CTNNA2: variants seen among roughly 807,000 people sequenced by gnomAD.
CTNNA2 encodes catenin alpha 2, also known as catenin alpha-2.
Under a neutral mutation model 101.0 loss-of-function variants are expected in CTNNA2, and 42 were observed. The ratio of observed to expected loss-of-function variants is 0.42; its 90% confidence interval spans 0.32 to 0.54. CTNNA2 has a LOEUF of 0.54. CTNNA2 is among the 20% of genes least tolerant of loss of function. The pLI, the probability that CTNNA2 is intolerant of heterozygous loss-of-function variation, is 0.14. For synonymous variants in CTNNA2, 450 were observed against 456.4 expected (o/e 0.99, Z 0.18); for missense variants, 871 against 1,223.1 (o/e 0.71, Z 4.29).
intron 4 of CTNNA2, among the ~76,000 whole-genome samples, chr2:79,455,243 G>A (rs1038307399): frequency 3.3e-5 from 5 of 152,084 alleles, no homozygotes; most frequent in Non-Finnish European, 7.4e-5. Context: ...GAGAACACAG[G>A]GATGTTGGCA....
chr2:79,621,059 C>T (rs1342668071), intron 1 of CTNNA2, among the ~76,000 whole-genome samples: 1 of 152,150 alleles, frequency 6.6e-6, no homozygotes, highest in Non-Finnish European at 1.5e-5. Context: ...TGGTGACCCT[C>T]ATTGACTGCA....
chr2:79,843,173 CTG>C (rs1679958936), intron 3 of CTNNA2, among the ~76,000 whole-genome samples: 1 of 152,214 alleles, frequency 6.6e-6, no homozygotes, highest in Non-Finnish European at 1.5e-5. Context: ...AAAGCATTAA[CTG>C]GAGTATTTAA....
At chr2:79,641,672 G>C (rs4852503) in intron 1 of CTNNA2, among the ~76,000 whole-genome samples, 83,441 of 152,054 alleles carry the variant, frequency 0.55, 23,301 homozygotes, top group East Asian at 0.71. Context: ...CACATAGGTT[G>C]ATACTCAAGT....
intron 9 of CTNNA2, among the ~76,000 whole-genome samples, chr2:80,448,622 A>C (rs1282597644): frequency 6.6e-6 from 1 of 152,202 alleles, no homozygotes; most frequent in East Asian, 1.9e-4. Flanking sequence ...GCCAGGGCTC[A>C]GAACACCAGC....
chr2:80,223,079 C>T (rs1019027100), intron 7 of CTNNA2, among the ~76,000 whole-genome samples: 1 of 152,042 alleles, frequency 6.6e-6, no homozygotes, highest in East Asian at 1.9e-4. Context: ...GTTTCAGATA[C>T]CCATCATGAC....
At chr2:80,393,140 A>AT (rs762280558) in intron 7 of CTNNA2, 71 bp from the exon 8 acceptor site, 47 of 1,187,966 alleles carry the variant, frequency 4.0e-5, no homozygotes, top group Admixed American at 2.3e-4. Context: ...TGTTTTCCTG[A>AT]TTTTTTTAAA....
At chr2:79,455,503 C>T (rs78444055) in intron 4 of CTNNA2, among the ~76,000 whole-genome samples, 702 of 152,238 alleles carry the variant, frequency 4.6e-3, no homozygotes, top group Non-Finnish European at 6.9e-3. Context: ...AAACACAATC[C>T]TTATTTCTAT....
At chr2:79,361,316 C>A (rs1677623214) in intron 3 of CTNNA2, among the ~76,000 whole-genome samples, 1 of 151,978 alleles carries the variant, frequency 6.6e-6, no homozygotes, top group South Asian at 2.1e-4. Flanking sequence ...AAAGGTAAAT[C>A]TAATTGGGTG....
At chr2:79,831,434 G>C (rs1199209811) in intron 3 of CTNNA2, among the ~76,000 whole-genome samples, 1 of 151,968 alleles carries the variant, frequency 6.6e-6, no homozygotes, top group East Asian at 1.9e-4. Context: ...AACTATAACA[G>C]CCCAGAATTC....
At chr2:80,525,053 T>G (rs1437851415) in intron 9 of CTNNA2, among the ~76,000 whole-genome samples, 4 of 152,092 alleles carry the variant, frequency 2.6e-5, no homozygotes, top group African/African-American at 9.7e-5. Context: ...GTATACACTT[T>G]TTTTTTTGTA....
intron 18 of CTNNA2, among the ~76,000 whole-genome samples, chr2:80,637,597 C>G (rs1673017541): frequency 6.6e-6 from 1 of 152,136 alleles, no homozygotes; most frequent in African/African-American, 2.4e-5. Context: ...TCTGCTCTCT[C>G]CTCATCCTGG....
chr2:80,173,306 G>C (rs952205722), intron 7 of CTNNA2, among the ~76,000 whole-genome samples: 1 of 152,232 alleles, frequency 6.6e-6, no homozygotes, highest in South Asian at 2.1e-4. Flanking sequence ...GGGACAAAGT[G>C]CTTTCATGTC....
At chr2:79,433,600 A>T (rs1007276635) in intron 4 of CTNNA2, among the ~76,000 whole-genome samples, 1 of 148,352 alleles carries the variant, frequency 6.7e-6, no homozygotes, top group African/African-American at 2.5e-5. Flanking sequence ...TTTGCCAAAG[A>T]TGAGCTCACT....
intron 2 of CTNNA2, among the ~76,000 whole-genome samples, chr2:79,698,444 G>A (rs1261194227): frequency 6.6e-6 from 1 of 151,784 alleles, no homozygotes; most frequent in Non-Finnish European, 1.5e-5. Context: ...TTTCAAATTT[G>A]AAATAGTGAC....
At chr2:79,408,101 C>A (rs1243774713) in intron 4 of CTNNA2, among the ~76,000 whole-genome samples, 1 of 151,946 alleles carries the variant, frequency 6.6e-6, no homozygotes, top group Non-Finnish European at 1.5e-5. Context: ...ATGATTCCTA[C>A]TCTCTAACCT....
chr2:79,704,922 A>G (rs1685255014), intron 2 of CTNNA2, among the ~76,000 whole-genome samples: 1 of 152,166 alleles, frequency 6.6e-6, no homozygotes, highest in African/African-American at 2.4e-5. Context: ...AGGAAAAAGT[A>G]TTCTGATGCT....
chr2:79,982,506 C>T (rs1011163058), intron 7 of CTNNA2, among the ~76,000 whole-genome samples: 10 of 146,206 alleles, frequency 6.8e-5, no homozygotes, highest in Non-Finnish European at 1.5e-4. Flanking sequence ...CACACATGCA[C>T]GCACACACAC....
At chr2:79,236,235 C>T (rs894883847) in intron 2 of CTNNA2, among the ~76,000 whole-genome samples, 24 of 152,192 alleles carry the variant, frequency 1.6e-4, no homozygotes, top group African/African-American at 5.8e-4. Context: ...TAGGCTCAAG[C>T]AATCTTCCCC....
intron 2 of CTNNA2, among the ~76,000 whole-genome samples, chr2:79,207,365 C>T (rs1303945954): frequency 2.0e-5 from 3 of 152,144 alleles, no homozygotes; most frequent in Non-Finnish European, 2.9e-5. Flanking sequence ...CCTAAAGCTA[C>T]CCCTTAAGGT....
Sources: allele counts gnomAD v4.1 joint callset (sites outside exome capture counted in the v4.1 genomes callset), GRCh38; gene constraint gnomAD v4.1.1; transcripts MANE v1.5; gene names NCBI Gene and HGNC (gene_info 2026-07-23, HGNC 2026-07-21).